The following CAST variants were observed in gnomAD, a reference collection of about 807,000 sequenced individuals.
CAST encodes calpastatin, also known as MIR583 host.
In CAST, 76 loss-of-function variants were observed where a neutral mutation model predicts 119.6. The ratio of observed to expected loss-of-function variants is 0.64; its 90% CI spans 0.53 to 0.77. The LOEUF is 0.77. Ranked by LOEUF, CAST falls within the 30% of genes least tolerant of loss-of-function variation. The probability of loss-of-function intolerance (pLI) is 0.00; values close to 1 mark genes in which losing one functional copy is unlikely to be tolerated. For synonymous variants in CAST, 319 were observed against 331.6 expected (o/e 0.96, Z 0.41); for missense variants, 953 against 946.5 (o/e 1.01, Z -0.09).
At chr5:96,446,817 G>C in the CAST span, among the ~76,000 whole-genome samples, 1 of 152,058 alleles carries the variant, frequency 6.6e-6, no homozygotes, top group African/African-American at 2.4e-5. Context: ...GCCTGGGCTA[G>C]AAAAAAAGAG....
At chr5:96,704,195 CAG>C (rs1193665318) in intron 3 of CAST, among the ~76,000 whole-genome samples, 1 of 152,172 alleles carries the variant, frequency 6.6e-6, no homozygotes, top group African/African-American at 2.4e-5. Flanking sequence ...GACTGTGAAA[CAG>C]TGTTTATGAA....
chr5:96,613,964 T>C (rs1484623685), intron 1 of CAST, among the ~76,000 whole-genome samples: 1 of 152,250 alleles, frequency 6.6e-6, no homozygotes, highest in South Asian at 2.1e-4. Flanking sequence ...TTCATTTATC[T>C]GCATTGTGAG....
chr5:96,434,391 C>G, the CAST span, among the ~76,000 whole-genome samples: 29,606 of 152,196 alleles, frequency 0.19, 3,214 homozygotes, highest in East Asian at 0.29. Context: ...AAGACCTCCA[C>G]CCTTCTGCAG....
intron 1 of CAST, among the ~76,000 whole-genome samples, chr5:96,602,899 A>T (rs1747180404): frequency 6.6e-6 from 1 of 152,252 alleles, no homozygotes; most frequent in Non-Finnish European, 1.5e-5. Context: ...TAGCTAGAAT[A>T]AGTCATTCCA....
chr5:96,574,737 C>A (rs758920226), intron 1 of CAST, among the ~76,000 whole-genome samples: 61 of 152,096 alleles, frequency 4.0e-4, no homozygotes, highest in Non-Finnish European at 8.8e-4. Flanking sequence ...TGCCTATGTT[C>A]ATCTTTTTGG....
the CAST span, among the ~76,000 whole-genome samples, chr5:96,109,235 A>G: frequency 2.6e-5 from 4 of 152,338 alleles, no homozygotes; most frequent in African/African-American, 9.6e-5. Flanking sequence ...CTATTTGGCC[A>G]TCTTGGCTCC....
chr5:96,258,397 T>C, the CAST span, among the ~76,000 whole-genome samples: 1 of 152,216 alleles, frequency 6.6e-6, no homozygotes, highest in Non-Finnish European at 1.5e-5. Flanking sequence ...ATTACCTTCA[T>C]TTTGAAAAAA....
the CAST span, among the ~76,000 whole-genome samples, chr5:96,304,913 G>T: frequency 6.6e-6 from 1 of 152,006 alleles, no homozygotes. Context: ...TTTTTGCTTC[G>T]GCTTTTCTTG....
chr5:96,596,609 G>A lies in CAST; in HGVS notation c.60+66729G>A, dbSNP rs1236139442. The stretch of plus-strand genomic sequence containing the variant: ...AGCTCTTTGTGGTCACTACAGCCAT[G>A]CTCATGAAAAACAAATGTAGCCAAG... On this transcript the variant is annotated intron_variant, in intron 1 of 11. Coordinates refer to the CAST transcript ENST00000505143. Among the ~76,000 whole-genome samples, 6 of 152,304 alleles carry A rather than the reference G, an allele frequency of 3.9e-5. No homozygotes were observed. The South Asian group carries it at 8.3e-4, about 21-fold the overall frequency.
the CAST span, among the ~76,000 whole-genome samples, chr5:96,161,366 T>C: frequency 3.3e-5 from 5 of 152,156 alleles, no homozygotes; most frequent in Non-Finnish European, 7.4e-5. Context: ...TATATATTGT[T>C]CCAGAACCGT....
chr5:96,586,976 C>G (rs1746871556), intron 1 of CAST, among the ~76,000 whole-genome samples: 1 of 152,158 alleles, frequency 6.6e-6, no homozygotes, highest in Non-Finnish European at 1.5e-5. Flanking sequence ...GTAACATACT[C>G]AAGATCATCA....
chr5:96,491,439 C>T, the CAST span, among the ~76,000 whole-genome samples: 3 of 124,114 alleles, frequency 2.4e-5, no homozygotes, highest in Admixed American at 2.1e-4. Context: ...TGCAGTGAGC[C>T]GAGATCACGC....
At chr5:96,529,080 T>C (rs913320780), upstream of CAST, among the ~76,000 whole-genome samples, 9 of 152,234 alleles carry the variant, frequency 5.9e-5, no homozygotes, top group African/African-American at 2.2e-4. Context: ...TACAGAGAGC[T>C]GTCTGGGTTT....
the CAST span, among the ~76,000 whole-genome samples, chr5:96,394,584 C>CT: frequency 3.3e-5 from 5 of 152,016 alleles, no homozygotes; most frequent in Admixed American, 1.3e-4. Flanking sequence ...ATAAAGATAA[C>CT]TTTTTTTTCC....
chr5:96,669,259 T>A (rs1437990057), intron 1 of CAST, among the ~76,000 whole-genome samples: 1 of 152,240 alleles, frequency 6.6e-6, no homozygotes, highest in East Asian at 1.9e-4. Context: ...GCAAGTAGAA[T>A]ACATATACAA....
At chr5:96,078,419 G>A in the CAST span, among the ~76,000 whole-genome samples, 12 of 150,864 alleles carry the variant, frequency 8.0e-5, no homozygotes, top group Non-Finnish European at 1.6e-4. Flanking sequence ...TTTAGACGGA[G>A]TTTTGCTTTT....
At chr5:96,266,780 A>G in the CAST span, among the ~76,000 whole-genome samples, 1 of 152,226 alleles carries the variant, frequency 6.6e-6, no homozygotes, top group Admixed American at 6.5e-5. Flanking sequence ...CATTCATAAT[A>G]AACAACAGCA....
the CAST span, among the ~76,000 whole-genome samples, chr5:96,172,615 G>T: frequency 1.3e-5 from 2 of 152,228 alleles, no homozygotes; most frequent in African/African-American, 4.8e-5. Context: ...AGTGGCCTTT[G>T]TACATGTCTT....
At chr5:96,004,434 C>T in the CAST span, among the ~76,000 whole-genome samples, 2 of 152,146 alleles carry the variant, frequency 1.3e-5, no homozygotes, top group Non-Finnish European at 2.9e-5. Flanking sequence ...AACTTATTCT[C>T]AAATGGTTTA....
Sources: gnomAD v4.1 joint callset for allele counts (sites outside exome capture counted in the v4.1 genomes callset) on GRCh38, gnomAD v4.1.1 for gene constraint, MANE v1.5 for transcripts, NCBI Gene and HGNC (gene_info 2026-07-23, HGNC 2026-07-21) for gene names.